Variants in LIMD1 observed in about 807,000 individuals in gnomAD.
The protein encoded by LIMD1 is LIM domain-containing protein 1.
LIMD1 carries 23 observed loss-of-function variants against 58.4 expected under a neutral mutation model. The ratio of observed to expected loss-of-function variants is 0.39; its 90% confidence interval spans 0.28 to 0.56. LIMD1 has a LOEUF of 0.56. Ranked by LOEUF, LIMD1 falls within the 20% of genes least tolerant of loss-of-function variation. LIMD1 has a pLI of 0.57. For missense variants in LIMD1, 838 were observed against 855.5 expected (o/e 0.98, Z 0.25); for synonymous variants, 334 against 345.5 (o/e 0.97, Z 0.37).
At chr3:45,670,106 T>C (rs1040435619) in intron 4 of LIMD1, among the ~76,000 whole-genome samples, 4 of 152,050 alleles carry the variant, frequency 2.6e-5, no homozygotes, top group African/African-American at 7.3e-5. Context: ...CAGTGGGAGG[T>C]AGGCAGAAGC....
intron 2 of LIMD1, among the ~76,000 whole-genome samples, chr3:45,655,879 T>G (rs1702022462): frequency 6.6e-6 from 1 of 152,150 alleles, no homozygotes; most frequent in Non-Finnish European, 1.5e-5. Context: ...GAAGGAAGTT[T>G]AATTGGGAAT....
At chr3:45,653,291 G>C (rs957753754) in intron 2 of LIMD1, among the ~76,000 whole-genome samples, 2 of 152,194 alleles carry the variant, frequency 1.3e-5, no homozygotes, top group African/African-American at 4.8e-5. Flanking sequence ...GGTGTCATTT[G>C]AGGAAACGGA....
intron 1 of LIMD1, among the ~76,000 whole-genome samples, chr3:45,598,062 G>C (rs1324983451): frequency 6.6e-6 from 1 of 151,796 alleles, no homozygotes; most frequent in African/African-American, 2.4e-5. Context: ...TAGACCTCCC[G>C]GACTCAAGGC....
chr3:45,668,572 G>A (rs548336968), intron 4 of LIMD1, among the ~76,000 whole-genome samples: 2 of 152,264 alleles, frequency 1.3e-5, no homozygotes, highest in East Asian at 3.9e-4. Flanking sequence ...GGCCAATATG[G>A]TGAAACCTTG....
chr3:45,595,033 A>G lies in LIMD1; in HGVS notation c.154A>G (p.Met52Val). ...AACTCGCAGGGTGTTCGCCACCAAG[A>G]TGGCCAAAATCCACCTCCAGCAGCA... is the stretch of plus-strand genomic sequence containing the variant. ...EETRRVFATK[M>V]AKIHLQQQQQ... Residue 52 changes from methionine (M) to valine (V), a missense_variant, in exon 1 of 8, where the codon ATG becomes GTG. Physicochemically the swap from Met to Val is conservative, Grantham distance 21. Around this residue, in one of 3 missense-constraint regions of LIMD1, gnomAD observed 659 missense variants for 639.8 expected, o/e 1.03. Transcript: ENST00000273317. 1.2e-6 allele frequency: 2 copies of G among 1,613,914 alleles called. No individual in the cohort carries two copies. Among genetic ancestry groups the G allele is most frequent in the African/African-American group, 1.3e-5 (1 of 75,018 alleles).
intron 1 of LIMD1, among the ~76,000 whole-genome samples, chr3:45,628,675 G>T (rs567112049): frequency 6.6e-6 from 1 of 152,344 alleles, no homozygotes; most frequent in African/African-American, 2.4e-5. Context: ...CTCAAGAGAA[G>T]TGCAAATGTA....
chr3:45,655,416 A>C (rs1702018560), intron 2 of LIMD1, among the ~76,000 whole-genome samples: 1 of 152,180 alleles, frequency 6.6e-6, no homozygotes, highest in African/African-American at 2.4e-5. Context: ...TGTAACACTG[A>C]CACTCCCACC....
At chr3:45,652,101 A>G (rs1255565496) in intron 2 of LIMD1, among the ~76,000 whole-genome samples, 1 of 151,832 alleles carries the variant, frequency 6.6e-6, no homozygotes, top group Non-Finnish European at 1.5e-5. Flanking sequence ...TAATTTTTGT[A>G]TTTTTAGTAG....
At chr3:45,649,121 A>C (rs1056626059) in intron 2 of LIMD1, among the ~76,000 whole-genome samples, 12 of 152,116 alleles carry the variant, frequency 7.9e-5, no homozygotes, top group Admixed American at 2.0e-4. Context: ...TGGCTGACCC[A>C]AGGTCACAAA....
chr3:45,614,698 G>T (rs901391030), intron 1 of LIMD1, among the ~76,000 whole-genome samples: 11 of 151,418 alleles, frequency 7.3e-5, no homozygotes, highest in Non-Finnish European at 1.6e-4. Flanking sequence ...ATTCCAGCCT[G>T]GGCAACAGAA....
chr3:45,652,084 G>A (rs1038285933), intron 2 of LIMD1, among the ~76,000 whole-genome samples: 1 of 151,968 alleles, frequency 6.6e-6, no homozygotes, highest in Non-Finnish European at 1.5e-5. Flanking sequence ...GAGCCACCAT[G>A]CCTGGCTAAT....
chr3:45,601,329 C>T (rs1559512502), intron 1 of LIMD1, among the ~76,000 whole-genome samples: 1 of 152,208 alleles, frequency 6.6e-6, no homozygotes, highest in East Asian at 1.9e-4. Flanking sequence ...CCTTCACACT[C>T]CCTCATGGAT....
chr3:45,611,256 C>T (rs1701519872), intron 1 of LIMD1, among the ~76,000 whole-genome samples: 1 of 152,210 alleles, frequency 6.6e-6, no homozygotes, highest in African/African-American at 2.4e-5. Context: ...TTGCCAACCA[C>T]CAAGTGAGCC....
chr3:45,643,420 G>A (rs1053006939), intron 2 of LIMD1, among the ~76,000 whole-genome samples: 1 of 151,676 alleles, frequency 6.6e-6, no homozygotes, highest in African/African-American at 2.4e-5. Context: ...AGGAGGCGGA[G>A]TTTTCAGTGA....
intron 1 of LIMD1, among the ~76,000 whole-genome samples, chr3:45,632,865 C>A (rs191069964): frequency 3.3e-5 from 5 of 152,174 alleles, no homozygotes; most frequent in African/African-American, 1.2e-4. Flanking sequence ...GCAGCAGCCG[C>A]GACACCACTG....
At chr3:45,668,440 C>A in intron 4 of LIMD1, 84 bp downstream of exon 4, 1 of 1,090,178 alleles carries the variant, frequency 9.2e-7, no homozygotes, top group Non-Finnish European at 1.4e-6. Context: ...TAATTGAGGA[C>A]AGTGTTTCTT....
chr3:45,668,617 G>A (rs534655384), intron 4 of LIMD1, among the ~76,000 whole-genome samples: 6 of 152,236 alleles, frequency 3.9e-5, no homozygotes, highest in African/African-American at 1.4e-4. Flanking sequence ...TCCGGGCGTG[G>A]TGGTGCATGC....
intron 2 of LIMD1, among the ~76,000 whole-genome samples, chr3:45,653,974 AAGT>A (rs1475490421): frequency 1.3e-5 from 2 of 151,910 alleles, no homozygotes; most frequent in Admixed American, 1.3e-4. Flanking sequence ...CTATTTGAAG[AAGT>A]AGATTGGTTA....
chr3:45,605,386 AT>A (rs2125649030), intron 1 of LIMD1, among the ~76,000 whole-genome samples: 1 of 152,376 alleles, frequency 6.6e-6, no homozygotes, highest in South Asian at 2.1e-4. Flanking sequence ...AGTGGTAATC[AT>A]TTTTACTTTA....
Sources: gnomAD v4.1 joint callset for allele counts (sites outside exome capture counted in the v4.1 genomes callset) on GRCh38, gnomAD v4.1.1 for gene constraint, gnomAD v4.1.1 regional missense constraint, MANE v1.5 for transcripts, NCBI Gene and HGNC (gene_info 2026-07-23, HGNC 2026-07-21) for gene names.